The following PLA2R1 variants were observed in gnomAD, a reference collection of about 807,000 sequenced individuals.
PLA2R1 encodes the protein phospholipase A2 receptor 1, also known as secretory phospholipase A2 receptor.
A neutral mutation model predicts 195.9 loss-of-function variants in PLA2R1; 158 were observed. That is an observed-to-expected ratio of 0.81 (90% CI 0.71 to 0.92). PLA2R1 has a LOEUF of 0.92. PLA2R1 is among the 40% of genes least tolerant of loss of function. The pLI, the probability that PLA2R1 is intolerant of heterozygous loss-of-function variation, is 0.00. For synonymous variants in PLA2R1, 586 were observed against 598.2 expected, an observed-to-expected ratio of 0.98 and a Z score of 0.30; for missense variants, 1,626 against 1,764.6, an observed-to-expected ratio of 0.92 and a Z score of 1.41.
At chr2:159,924,609 T>C in the PLA2R1 span, among the ~76,000 whole-genome samples, 5 of 151,740 alleles carry the variant, frequency 3.3e-5, no homozygotes, top group Non-Finnish European at 7.4e-5. Context: ...CCAGCCAGAA[T>C]CTTTAAACTG....
At chr2:160,049,331 G>C (rs1271838139) in intron 1 of PLA2R1, among the ~76,000 whole-genome samples, 3 of 152,084 alleles carry the variant, frequency 2.0e-5, no homozygotes, top group African/African-American at 7.2e-5. Context: ...CTTTTAAACC[G>C]AAGTTTAGGT....
rs1696038770 is a variant in PLA2R1 at position 160,062,499 on chromosome 2, G to A, written c.-96C>T. ...CCCAAGCACCCGGCCCCGCCGCGCGGAAGCGGATCCGTAGCCTCCTCCGCG... is the reference window on the plus strand; with the variant it reads ...CCCAAGCACCCGGCCCCGCCGCGCGAAAGCGGATCCGTAGCCTCCTCCGCG... On this transcript the variant is annotated 5_prime_UTR_variant, in exon 1 of 30. Transcript: ENST00000283243. 1 of 1,424,488 alleles carries A rather than the reference G, an allele frequency of 7.0e-7. No individual in the cohort carries two copies. The allele number at this position is 1,424,488 out of a possible 1,614,324, so 88.2% of individuals were successfully genotyped here. A position where few individuals can be genotyped will look rare whatever the true frequency, so the allele number is the denominator to read the frequency against.
intron 1 of PLA2R1, among the ~76,000 whole-genome samples, chr2:160,056,185 C>T (rs563812481): frequency 3.5e-4 from 51 of 146,150 alleles, no homozygotes; most frequent in Non-Finnish European, 6.7e-4. Context: ...CGAGACAAAA[C>T]GAAACAGAAT....
At chr2:160,018,991 CCCT>C (rs1558939302) in intron 8 of PLA2R1, among the ~76,000 whole-genome samples, 1 of 152,154 alleles carries the variant, frequency 6.6e-6, no homozygotes, top group Non-Finnish European at 1.5e-5. Flanking sequence ...CCCAACAACC[CCCT>C]AAAACTCAGC....
chr2:159,967,857 G>A (rs1191620704), intron 19 of PLA2R1, among the ~76,000 whole-genome samples, 179 bp from the exon 20 acceptor site: 1 of 151,906 alleles, frequency 6.6e-6, no homozygotes, highest in Non-Finnish European at 1.5e-5. Context: ...ACTGGGCAAG[G>A]CCAACTCAGT....
chr2:160,028,698 T>C (rs1693670436), intron 5 of PLA2R1, 152 bp downstream of exon 5: 2 of 609,790 alleles, frequency 3.3e-6, no homozygotes, highest in Admixed American at 3.2e-5. Context: ...ATTTTCTTGT[T>C]TGGAAAAGCT....
chr2:159,988,925 GTGTT>G (rs1690553891), intron 11 of PLA2R1, among the ~76,000 whole-genome samples: 1 of 152,212 alleles, frequency 6.6e-6, no homozygotes, highest in African/African-American at 2.4e-5. Flanking sequence ...GAGTGTATGA[GTGTT>G]TGTGTCTTCA....
At chr2:159,975,982 A>G (rs1689522324) in intron 17 of PLA2R1, 86 bp downstream of exon 17, 2 of 935,008 alleles carry the variant, frequency 2.1e-6, no homozygotes, top group African/African-American at 3.3e-5. Flanking sequence ...CCGAAGTCAA[A>G]TCGAAAAAAC....
chr2:160,044,062 T>C (rs975637195), intron 2 of PLA2R1, among the ~76,000 whole-genome samples: 56 of 152,106 alleles, frequency 3.7e-4, no homozygotes, highest in Admixed American at 3.3e-3. Flanking sequence ...GATGGATAGA[T>C]AGATGGATGG....
At chr2:160,016,263 C>CAAAAAA (rs11396932) in intron 9 of PLA2R1, among the ~76,000 whole-genome samples, 4 of 103,060 alleles carry the variant, frequency 3.9e-5, no homozygotes, top group African/African-American at 8.1e-5. Context: ...GACTCTGTCT[C>CAAAAAA]AAAAAAAAAA....
At chr2:160,008,868 C>T (rs75854976) in intron 10 of PLA2R1, among the ~76,000 whole-genome samples, 197 of 152,050 alleles carry the variant, frequency 1.3e-3, no homozygotes, top group African/African-American at 4.6e-3. Context: ...GACAAACATC[C>T]CAATTAAAAA....
At chr2:159,965,833 G>A (rs1000249777) in intron 20 of PLA2R1, among the ~76,000 whole-genome samples, 7 of 152,250 alleles carry the variant, frequency 4.6e-5, no homozygotes, top group Non-Finnish European at 7.4e-5. Flanking sequence ...GATTTGGGCC[G>A]TTCTAGTAGC....
In PLA2R1 at chr2:159,933,540, T is replaced by C. The variant is rs1686678396; in HGVS notation, c.*8238A>G. 1 of 152,174 alleles carries C rather than the reference T, an allele frequency of 6.6e-6. No individual in the cohort carries two copies. The highest frequency in any genetic ancestry group is 2.4e-5 in the African/African-American group (1 of 41,446). 9.4% of individuals were successfully genotyped at this position (152,174 alleles called of 1,614,324 possible). On this transcript the variant is annotated 3_prime_UTR_variant, in exon 30 of 30. Transcript: ENST00000283243. ...CTCCTTTTTTTTCTGATTCTCTTCT[T>C]CTTGATATTATTTATGTCACATTGC...
chr2:160,030,722 T>C (rs73967991), intron 4 of PLA2R1, among the ~76,000 whole-genome samples: 5,563 of 152,252 alleles, frequency 0.037, 302 homozygotes, highest in African/African-American at 0.12. Context: ...CCTTGTACCA[T>C]AGTATATGTT....
intron 1 of PLA2R1, among the ~76,000 whole-genome samples, chr2:160,056,186 G>A (rs979786716): frequency 1.4e-5 from 2 of 145,044 alleles, no homozygotes; most frequent in East Asian, 2.0e-4. Context: ...GAGACAAAAC[G>A]AAACAGAATG....
At chr2:159,945,926 G>A (rs1261790737) in intron 27 of PLA2R1, 3 of 859,486 alleles carry the variant, frequency 3.5e-6, no homozygotes, top group African/African-American at 1.8e-5. Context: ...ATATATAATC[G>A]ATTTAAAGAA....
At chr2:160,036,973 A>G (rs1694204152) in intron 3 of PLA2R1, among the ~76,000 whole-genome samples, 1 of 152,072 alleles carries the variant, frequency 6.6e-6, no homozygotes, top group East Asian at 1.9e-4. Flanking sequence ...TAACACCTTC[A>G]TTTTTGGCTT....
downstream of PLA2R1, chr2:159,931,978 G>T (rs1560118550): frequency 6.6e-6 from 1 of 152,208 alleles, no homozygotes. Context: ...TCAGATAAGA[G>T]TGATTCAAAT....
rs1695529114 is a variant in PLA2R1 at position 160,056,213 on chromosome 2, A to G, written c.109+6082T>C. Among the ~76,000 whole-genome samples, 4 of 152,206 alleles carry G rather than the reference A, an allele frequency of 2.6e-5. No homozygotes were observed. In the South Asian group the frequency reaches 8.3e-4, roughly 32 times the overall value. On this transcript the variant is annotated intron_variant, in intron 1 of 29. Coordinates refer to ENST00000283243, the MANE Select transcript of PLA2R1 (RefSeq NM_007366.5). The stretch of plus-strand genomic sequence containing the variant: ...AACAGAATGGAACAGGGGGAAATGT[A>G]GCAGCATGTCATATTAGGTAAGGGT...
Sources: allele counts gnomAD v4.1 joint callset (sites outside exome capture counted in the v4.1 genomes callset), GRCh38; gene constraint gnomAD v4.1.1; transcripts MANE v1.5; gene names NCBI Gene and HGNC (gene_info 2026-07-23, HGNC 2026-07-21).